USP34: variants seen among roughly 807,000 people sequenced by gnomAD.
The protein encoded by USP34 is ubiquitin specific peptidase 34, also known as ubiquitin carboxyl-terminal hydrolase 34.
In USP34, 70 loss-of-function variants were observed where a neutral mutation model predicts 460.3. That is an observed-to-expected ratio of 0.15 (90% CI 0.13 to 0.19). The LOEUF is 0.19. Ranked by LOEUF, USP34 falls within the 10% of genes least tolerant of loss-of-function variation. The probability of loss-of-function intolerance (pLI) is 1.00; values close to 1 mark genes in which losing one functional copy is unlikely to be tolerated. For synonymous variants in USP34, 1,647 were observed against 1,405.3 expected, an observed-to-expected ratio of 1.17 and a Z score of -3.85; for missense variants, 3,985 against 4,236.2, an observed-to-expected ratio of 0.94 and a Z score of 1.65.
chr2:61,387,288 T>C (rs1303414566), intron 5 of USP34, among the ~76,000 whole-genome samples: 1 of 151,654 alleles, frequency 6.6e-6, no homozygotes, highest in Non-Finnish European at 1.5e-5. Context: ...CATAGTGAAA[T>C]CCCATCTCTA....
chr2:61,307,216 C>T (rs1311109221), intron 27 of USP34, among the ~76,000 whole-genome samples: 1 of 147,334 alleles, frequency 6.8e-6, no homozygotes, highest in African/African-American at 2.5e-5. Flanking sequence ...ATCACAAGGA[C>T]AAAAATCCAA....
chr2:61,432,182 A>T (rs559960692), intron 1 of USP34, among the ~76,000 whole-genome samples: 56 of 142,220 alleles, frequency 3.9e-4, no homozygotes, highest in African/African-American at 9.1e-4. Flanking sequence ...TTTTTCAATT[A>T]AAAAAAAAAA....
intron 24 of USP34, 39 bp from the exon 25 acceptor site, chr2:61,314,783 A>G (rs779783150): frequency 1.0e-5 from 16 of 1,579,556 alleles, no homozygotes; most frequent in Non-Finnish European, 1.4e-5. Flanking sequence ...TTAGCCTTAT[A>G]TTCTTGTTTA....
intron 57 of USP34, among the ~76,000 whole-genome samples, chr2:61,232,842 TTA>T (rs150827710): frequency 0.073 from 7,304 of 99,950 alleles, 549 homozygotes; most frequent in East Asian, 0.11. Context: ...TTCTTATTAA[TTA>T]TATATATATA....
intron 20 of USP34, among the ~76,000 whole-genome samples, chr2:61,329,044 G>T (rs745972004): frequency 1.3e-5 from 2 of 152,104 alleles, no homozygotes; most frequent in African/African-American, 4.8e-5. Context: ...TTTTTGAGAC[G>T]GAGTTTCACT....
chr2:61,331,670 A>G (rs186798311), intron 19 of USP34, among the ~76,000 whole-genome samples: 26 of 152,156 alleles, frequency 1.7e-4, no homozygotes, highest in Non-Finnish European at 2.8e-4. Context: ...TCATATAAGA[A>G]TATACTATGT....
chr2:61,427,525 A>G (rs926747141), intron 1 of USP34, among the ~76,000 whole-genome samples: 1 of 152,246 alleles, frequency 6.6e-6, no homozygotes, highest in Non-Finnish European at 1.5e-5. Flanking sequence ...AGAAACAGAG[A>G]TATGTGACCT....
intron 5 of USP34, among the ~76,000 whole-genome samples, chr2:61,388,453 GTT>G (rs200274281): frequency 8.7e-6 from 1 of 114,460 alleles, no homozygotes; most frequent in Non-Finnish European, 1.9e-5. Flanking sequence ...GTACAGGGGA[GTT>G]TAAAAAAAAA....
At chr2:61,282,286 A>G (rs1254775522) in intron 37 of USP34, among the ~76,000 whole-genome samples, 2 of 152,204 alleles carry the variant, frequency 1.3e-5, no homozygotes, top group African/African-American at 2.4e-5. Flanking sequence ...AGCCAGAGCT[A>G]ATATTATTAG....
At chr2:61,421,898 C>G (rs1428350198) in intron 1 of USP34, among the ~76,000 whole-genome samples, 1 of 152,018 alleles carries the variant, frequency 6.6e-6, no homozygotes, top group Admixed American at 6.5e-5. Context: ...GTAAGCTGAA[C>G]TAGGAGGTTG....
intron 41 of USP34, among the ~76,000 whole-genome samples, chr2:61,268,348 A>C (rs1446869400): frequency 4.9e-5 from 7 of 142,344 alleles, no homozygotes; most frequent in Non-Finnish European, 3.0e-5. Flanking sequence ...GAGGTGTTCG[A>C]GTCATCAGGG....
chr2:61,311,772 C>T lies in USP34; in HGVS notation c.3669+12G>A. 6.2e-7 allele frequency: 1 copy of T among 1,611,378 alleles called. No individual in the cohort carries two copies. Among genetic ancestry groups the T allele is most frequent in the Non-Finnish European group, 8.5e-7 (1 of 1,179,286 alleles). On this transcript the variant is annotated intron_variant, in intron 26 of 79. Transcript: ENST00000398571. ...AATGTTATCAACTTCGAAATTAAAA[C>T]TATGTAAGTACCTTGTCAGGAAGTC...
intron 10 of USP34, among the ~76,000 whole-genome samples, chr2:61,360,020 C>G (rs796236205): frequency 2.6e-5 from 4 of 151,788 alleles, no homozygotes; most frequent in African/African-American, 9.7e-5. Context: ...CCTGACCTCA[C>G]GATCCACCCG....
intron 5 of USP34, among the ~76,000 whole-genome samples, chr2:61,383,537 T>C (rs757249320): frequency 2.0e-5 from 3 of 151,992 alleles, no homozygotes; most frequent in African/African-American, 7.2e-5. Flanking sequence ...ACCCCGTATC[T>C]ACTAAAAACA....
chr2:61,265,629 A>G (rs2103917964), intron 42 of USP34, 72 bp from the exon 43 acceptor site: 1 of 1,459,806 alleles, frequency 6.9e-7, no homozygotes, highest in Admixed American at 2.2e-5. Flanking sequence ...TGCTTACATT[A>G]ACAGCCTCTA....
At chr2:61,463,099 C>T (rs10180105) in intron 1 of USP34, among the ~76,000 whole-genome samples, 2,088 of 152,214 alleles carry the variant, frequency 0.014, 49 homozygotes, top group African/African-American at 0.046. Flanking sequence ...TAATTGATTT[C>T]GTACCTATAT....
At chr2:61,205,924 CT>C (rs781260495) in intron 72 of USP34, 92 bp downstream of exon 72, 78 of 949,772 alleles carry the variant, frequency 8.2e-5, no homozygotes, top group Non-Finnish European at 1.2e-4. Context: ...GCACAAGTAT[CT>C]TTCAAACACT....
chr2:61,347,430 G>A (rs1167332955), intron 15 of USP34, among the ~76,000 whole-genome samples: 1 of 152,116 alleles, frequency 6.6e-6, no homozygotes, highest in Non-Finnish European at 1.5e-5. Context: ...ATGGAGTGCA[G>A]TGGTGTGATC....
intron 1 of USP34, among the ~76,000 whole-genome samples, chr2:61,470,216 G>C (rs1279862893): frequency 1.3e-5 from 2 of 152,192 alleles, no homozygotes; most frequent in African/African-American, 2.4e-5. Flanking sequence ...GCAGGTAAGA[G>C]AGGCCTCGGC....
Sources: gnomAD v4.1 joint callset for allele counts (sites outside exome capture counted in the v4.1 genomes callset) on GRCh38, gnomAD v4.1.1 for gene constraint, MANE v1.5 for transcripts, NCBI Gene and HGNC (gene_info 2026-07-23, HGNC 2026-07-21) for gene names.